CDC42SE2: variants seen among roughly 807,000 people sequenced by gnomAD.
The protein encoded by CDC42SE2 is CDC42 small effector protein 2.
A neutral mutation model predicts 11.5 loss-of-function variants in CDC42SE2; 3 were observed. The ratio of observed to expected loss-of-function variants is 0.26; its 90% CI spans 0.12 to 0.67. The LOEUF is 0.67. Among genes scored for constraint, CDC42SE2 ranks in the 30% least tolerant of loss-of-function variants. CDC42SE2 has a pLI of 0.80. For missense variants in CDC42SE2, 82 were observed against 106.8 expected (o/e 0.77, Z 1.02); for synonymous variants, 33 against 34.8 (o/e 0.95, Z 0.18).
intron 2 of CDC42SE2, among the ~76,000 whole-genome samples, chr5:131,356,904 T>C (rs1359374376): frequency 2.0e-5 from 3 of 152,150 alleles, no homozygotes; most frequent in Admixed American, 2.0e-4. Flanking sequence ...TGAGACCCTA[T>C]CTGAAAAAAA....
intron 2 of CDC42SE2, among the ~76,000 whole-genome samples, chr5:131,343,095 A>T (rs1052138831): frequency 6.6e-6 from 1 of 152,226 alleles, no homozygotes; most frequent in Non-Finnish European, 1.5e-5. Flanking sequence ...AACTGTACGT[A>T]GTAGGACAGA....
the CDC42SE2 span, among the ~76,000 whole-genome samples, chr5:131,226,957 T>G: frequency 1.3e-5 from 2 of 152,194 alleles, no homozygotes; most frequent in Admixed American, 1.3e-4. Flanking sequence ...AGTAAGACTA[T>G]TTTAGAGCTT....
At chr5:131,301,929 T>C (rs906786981) in intron 1 of CDC42SE2, among the ~76,000 whole-genome samples, 2 of 152,096 alleles carry the variant, frequency 1.3e-5, no homozygotes, top group African/African-American at 4.8e-5. Flanking sequence ...TCAGTACACT[T>C]AGTAAGTGGC....
At chr5:131,288,324 T>C (rs1397559347) in intron 1 of CDC42SE2, among the ~76,000 whole-genome samples, 1 of 152,198 alleles carries the variant, frequency 6.6e-6, no homozygotes, top group Non-Finnish European at 1.5e-5. Context: ...CACTTTTTAG[T>C]TCCTGATAAA....
chr5:131,295,139 T>C (rs1391094346), intron 1 of CDC42SE2, among the ~76,000 whole-genome samples: 2 of 132,392 alleles, frequency 1.5e-5, no homozygotes, highest in African/African-American at 5.2e-5. Context: ...AAAAAAAAAA[T>C]AGGCATGGAG....
At chr5:131,214,904 A>T in the CDC42SE2 span, among the ~76,000 whole-genome samples, 14 of 152,242 alleles carry the variant, frequency 9.2e-5, no homozygotes, top group African/African-American at 3.4e-4. Context: ...TGAAGGGGAC[A>T]TCTGGATAGT....
chr5:131,233,547 T>C, the CDC42SE2 span, among the ~76,000 whole-genome samples: 1 of 152,174 alleles, frequency 6.6e-6, no homozygotes, highest in Admixed American at 6.5e-5. Flanking sequence ...TTTGTATTTT[T>C]AGTAGAGATG....
At chr5:131,231,457 C>T in the CDC42SE2 span, among the ~76,000 whole-genome samples, 15 of 151,966 alleles carry the variant, frequency 9.9e-5, no homozygotes, top group African/African-American at 3.6e-4. Flanking sequence ...ACAAAAAAAA[C>T]ATGTATTGTT....
At chr5:131,352,997 C>T (rs998646958) in intron 2 of CDC42SE2, among the ~76,000 whole-genome samples, 1 of 152,048 alleles carries the variant, frequency 6.6e-6, no homozygotes. Context: ...GACAGGGTCT[C>T]ACTCTGGTGC....
intron 2 of CDC42SE2, among the ~76,000 whole-genome samples, chr5:131,344,543 T>G (rs1678818398): frequency 6.6e-6 from 1 of 152,216 alleles, no homozygotes; most frequent in South Asian, 2.1e-4. Context: ...CAAGGAGGCC[T>G]GCCTGCCTCT....
chr5:131,392,047 GAC>G lies in CDC42SE2; in HGVS notation c.*958_*959del, dbSNP rs1750672435. 6.6e-6 allele frequency: 1 copy of G among 152,440 alleles called. No homozygotes were observed. The highest frequency in any genetic ancestry group is 2.1e-4 in the South Asian group (1 of 4,826). 9.4% of individuals were successfully genotyped at this position (152,440 alleles called of 1,614,324 possible). A position where few individuals can be genotyped will look rare whatever the true frequency, so the allele number is the denominator to read the frequency against. Reference sequence around the variant, plus strand: ...TGGCATGCATGCCTTTGGACTCATGGACAGAGTTCTTTGGATTGTCACTGAAT... The same window carrying G: ...TGGCATGCATGCCTTTGGACTCATGGAGAGTTCTTTGGATTGTCACTGAAT... On this transcript the variant is annotated 3_prime_UTR_variant, in exon 5 of 5. Coordinates refer to ENST00000505065, the MANE Select transcript of CDC42SE2 (RefSeq NM_001375635.1).
At chr5:131,236,246 T>C in the CDC42SE2 span, among the ~76,000 whole-genome samples, 4 of 152,188 alleles carry the variant, frequency 2.6e-5, no homozygotes, top group African/African-American at 4.8e-5. Context: ...GCTTCTTTTA[T>C]AGTTTCTGCA....
intron 3 of CDC42SE2, among the ~76,000 whole-genome samples, chr5:131,374,799 T>G (rs1177652450): frequency 2.0e-5 from 3 of 152,130 alleles, no homozygotes; most frequent in Non-Finnish European, 4.4e-5. Flanking sequence ...CACAGTGATG[T>G]GAAGGAAACA....
chr5:131,242,861 G>T (rs1283717593), upstream of CDC42SE2, among the ~76,000 whole-genome samples: 1 of 152,154 alleles, frequency 6.6e-6, no homozygotes, highest in Non-Finnish European at 1.5e-5. Context: ...CTCCCAGAAG[G>T]TTCAAGGGAG....
intron 2 of CDC42SE2, among the ~76,000 whole-genome samples, chr5:131,347,693 CAA>C (rs1340081650): frequency 1.3e-5 from 2 of 151,886 alleles, no homozygotes; most frequent in Non-Finnish European, 2.9e-5. Flanking sequence ...AGAGACACAA[CAA>C]AAAAAGAGAA....
In CDC42SE2 at chr5:131,248,340, G is replaced by A. The variant is rs532104849; in HGVS notation, n.107+2741G>A. The stretch of plus-strand genomic sequence containing the variant: ...TTTTTAGTAGAGACGGGGTTTCACC[G>A]TGTTGGTCAGGCTGGTCTCAGACTC... On this transcript the variant is annotated intron_variant and non_coding_transcript_variant, in intron 1 of 3. Coordinates refer to the CDC42SE2 transcript ENST00000502840. Among the ~76,000 whole-genome samples, 9 of 151,930 alleles carry A rather than the reference G, an allele frequency of 5.9e-5. No individual in the cohort carries two copies. In the South Asian group the frequency reaches 1.5e-3, roughly 25 times the overall value.
At chr5:131,370,317 A>G (rs1749981577) in intron 3 of CDC42SE2, among the ~76,000 whole-genome samples, 1 of 152,220 alleles carries the variant, frequency 6.6e-6, no homozygotes, top group South Asian at 2.1e-4. Flanking sequence ...AATAATTTTT[A>G]AAATAAATAT....
chr5:131,280,204 C>A (rs1757209787), intron 1 of CDC42SE2, among the ~76,000 whole-genome samples: 1 of 152,146 alleles, frequency 6.6e-6, no homozygotes, highest in African/African-American at 2.4e-5. Context: ...TACCCTTTAA[C>A]TGAAATTATT....
chr5:131,265,269 G>A (rs111730944), intron 1 of CDC42SE2, among the ~76,000 whole-genome samples: 2 of 152,042 alleles, frequency 1.3e-5, no homozygotes, highest in African/African-American at 4.8e-5. Flanking sequence ...TACATTTTCT[G>A]TTTCTTAAAA....
Sources: allele counts gnomAD v4.1 joint callset (sites outside exome capture counted in the v4.1 genomes callset), GRCh38; gene constraint gnomAD v4.1.1; transcripts MANE v1.5; gene names NCBI Gene and HGNC (gene_info 2026-07-23, HGNC 2026-07-21).